Variants in MAD1L1 observed in about 807,000 individuals in gnomAD.
MAD1L1 encodes the protein mitotic arrest deficient 1 like 1.
Under a neutral mutation model 96.9 loss-of-function variants are expected in MAD1L1, and 95 were observed. The ratio of observed to expected loss-of-function variants is 0.98; its 90% CI spans 0.83 to 1.16. The LOEUF is 1.16. Among genes scored for constraint, MAD1L1 ranks in the 50% most tolerant of loss-of-function variants. The pLI is 0.00. For synonymous variants in MAD1L1, 473 were observed against 396.6 expected (o/e 1.19, Z -2.29); for missense variants, 1,007 against 954.4 (o/e 1.06, Z -0.73).
chr7:1,933,257 G>A (rs746280026), intron 17 of MAD1L1, among the ~76,000 whole-genome samples: 35 of 152,192 alleles, frequency 2.3e-4, no homozygotes, highest in Non-Finnish European at 8.8e-5. Flanking sequence ...GCATGGAGCC[G>A]TCTGCCACGG....
intron 18 of MAD1L1, among the ~76,000 whole-genome samples, chr7:1,819,045 C>T (rs372798585): frequency 2.0e-4 from 30 of 152,206 alleles, no homozygotes; most frequent in East Asian, 1.5e-3. Flanking sequence ...GGCTCCACCT[C>T]GGTCTAACGC....
At chr7:2,202,686 C>G (rs1454888409) in intron 10 of MAD1L1, among the ~76,000 whole-genome samples, 1 of 152,232 alleles carries the variant, frequency 6.6e-6, no homozygotes, top group African/African-American at 2.4e-5. Context: ...ACATACCTGA[C>G]AGTCGCCCAC....
chr7:1,856,834 G>T (rs1460734531), intron 18 of MAD1L1, among the ~76,000 whole-genome samples: 2 of 152,140 alleles, frequency 1.3e-5, no homozygotes, highest in African/African-American at 4.8e-5. Context: ...GACTCCTGCG[G>T]GCCTCTCCCA....
chr7:1,904,721 G>A (rs1437767462), intron 17 of MAD1L1, among the ~76,000 whole-genome samples: 1 of 129,388 alleles, frequency 7.7e-6, no homozygotes, highest in Non-Finnish European at 1.6e-5. Context: ...AGACGCTCTT[G>A]CGGAACTCAT....
intron 12 of MAD1L1, among the ~76,000 whole-genome samples, chr7:2,062,861 A>G (rs1270533659): frequency 1.3e-5 from 2 of 152,126 alleles, no homozygotes; most frequent in East Asian, 3.9e-4. Flanking sequence ...CTCCCTGCAC[A>G]CAGCATCACA....
chr7:2,196,608 A>G (rs1791998551), intron 10 of MAD1L1, among the ~76,000 whole-genome samples: 1 of 152,258 alleles, frequency 6.6e-6, no homozygotes, highest in Non-Finnish European at 1.5e-5. Context: ...GCAGGTCTCC[A>G]AATAAATGTT....
intron 17 of MAD1L1, among the ~76,000 whole-genome samples, chr7:1,924,671 G>A (rs1315606401): frequency 6.6e-6 from 1 of 152,126 alleles, no homozygotes; most frequent in Non-Finnish European, 1.5e-5. Context: ...GGAACGCCAG[G>A]AAAGAAGGAA....
chr7:2,207,160 G>C (rs1013150288), intron 10 of MAD1L1, among the ~76,000 whole-genome samples: 49 of 151,392 alleles, frequency 3.2e-4, no homozygotes, highest in Admixed American at 3.2e-3. Flanking sequence ...TTAAATATTT[G>C]GGTCAATTTG....
rs1258260975 is a variant in MAD1L1, at chr7:2,142,105, A to T, written c.1073+7047T>A. Among the ~76,000 whole-genome samples the T allele has an allele frequency of 6.6e-6, 1 of 152,140 alleles. No individual in the cohort carries two copies. Among genetic ancestry groups the T allele is most frequent in the Non-Finnish European group, 1.5e-5 (1 of 68,026 alleles). On this transcript the variant is annotated intron_variant, in intron 11 of 18. Coordinates refer to ENST00000265854, the MANE Select transcript of MAD1L1 (RefSeq NM_001013836.2). The surrounding 1 kb of genome is among the most constrained non-coding windows in gnomAD (Gnocchi z 4.7). ...ATGGTGCCAGACCCCAGGCACAGGGATGTCCCTCACATTTCCCCAAAAACC... is the reference window on the plus strand; with the variant it reads ...ATGGTGCCAGACCCCAGGCACAGGGTTGTCCCTCACATTTCCCCAAAAACC...
chr7:1,840,818 T>G (rs184814940), intron 18 of MAD1L1, among the ~76,000 whole-genome samples: 1 of 152,366 alleles, frequency 6.6e-6, no homozygotes, highest in Admixed American at 6.5e-5. Flanking sequence ...TTTCTCTGCC[T>G]ACTTGGACCT....
intron 10 of MAD1L1, among the ~76,000 whole-genome samples, chr7:2,165,790 C>T (rs899524945): frequency 3.3e-5 from 5 of 152,180 alleles, no homozygotes; most frequent in Admixed American, 6.5e-5. Flanking sequence ...CAGGGCGAGA[C>T]AGAGTGCCCC....
At chr7:1,875,349 A>G (rs534858779) in intron 18 of MAD1L1, among the ~76,000 whole-genome samples, 7 of 152,276 alleles carry the variant, frequency 4.6e-5, no homozygotes, top group African/African-American at 1.7e-4. Flanking sequence ...AGAAGAAAAC[A>G]TCCCCCAACT....
intron 17 of MAD1L1, among the ~76,000 whole-genome samples, chr7:1,912,417 G>A (rs1193312364): frequency 1.3e-5 from 2 of 152,246 alleles, no homozygotes; most frequent in East Asian, 1.9e-4. Flanking sequence ...GGCGGCAGGT[G>A]TGGGCACCAG....
chr7:2,160,555 G>A (rs183689772), intron 10 of MAD1L1, among the ~76,000 whole-genome samples: 137 of 152,002 alleles, frequency 9.0e-4, no homozygotes, highest in African/African-American at 3.2e-3. Context: ...GGATGGTCTC[G>A]ATCTCCTGAC....
At chr7:2,005,123 G>A (rs1369128051) in intron 13 of MAD1L1, among the ~76,000 whole-genome samples, 1 of 152,154 alleles carries the variant, frequency 6.6e-6, no homozygotes, top group African/African-American at 2.4e-5. Flanking sequence ...TCACACGCAG[G>A]GCCCTGGGTT....
chr7:1,825,630 C>T lies in MAD1L1; in HGVS notation c.1999-9402G>A, dbSNP rs1417875627. Among the ~76,000 whole-genome samples the T allele has an allele frequency of 5.9e-5, 9 of 152,222 alleles. No individual in the cohort carries two copies. The East Asian group carries it at 1.5e-3, about 26-fold the overall frequency. On this transcript the variant is annotated intron_variant, in intron 18 of 18. Coordinates refer to ENST00000265854, the MANE Select transcript of MAD1L1 (RefSeq NM_001013836.2). ...TCTGTCCACGGGTCTTTGCGGTGCC[C>T]GTCTGAGCGCCTGTGAACAGTGCTG...
At position 2,107,983 on chromosome 7, in the gene MAD1L1, C is replaced by A. The variant is rs994091853; in HGVS notation, c.1074-38645G>T. ...GGGACAGGAGACACCGGCACCCCCC[C>A]ACCCCCCACCAACAGGATGCTCAGT... is the stretch of plus-strand genomic sequence containing the variant. On this transcript the variant is annotated intron_variant, in intron 11 of 18. Transcript: ENST00000265854. Among the ~76,000 whole-genome samples the A allele has an allele frequency of 1.3e-4, 20 of 152,188 alleles. No homozygotes were observed. In the East Asian group the frequency reaches 2.1e-3, roughly 16 times the overall value.
intron 18 of MAD1L1, among the ~76,000 whole-genome samples, chr7:1,875,523 C>T (rs1203566308): frequency 6.6e-6 from 1 of 152,158 alleles, no homozygotes; most frequent in Non-Finnish European, 1.5e-5. Flanking sequence ...CAGAACCTTC[C>T]GCTGCACAAG....
At chr7:1,903,301 C>A (rs1787383259) in intron 17 of MAD1L1, among the ~76,000 whole-genome samples, 1 of 151,042 alleles carries the variant, frequency 6.6e-6, no homozygotes, top group African/African-American at 2.4e-5. Context: ...AAGCACTGTT[C>A]CAGGCAGCGA....
Sources: allele counts gnomAD v4.1 joint callset (sites outside exome capture counted in the v4.1 genomes callset), GRCh38; gene constraint gnomAD v4.1.1; non-coding constraint Gnocchi (gnomAD v3.1); transcripts MANE v1.5; gene names NCBI Gene and HGNC (gene_info 2026-07-23, HGNC 2026-07-21).